Variants in ESR1 observed in about 807,000 individuals in gnomAD.
The protein encoded by ESR1 is estrogen receptor.
In ESR1, 12 loss-of-function variants were observed where a neutral mutation model predicts 52.7. The observed-to-expected ratio is 0.23, with a 90% confidence interval of 0.15 to 0.37. The LOEUF is 0.37. Ranked by LOEUF, ESR1 falls within the 10% of genes least tolerant of loss-of-function variation. The probability of loss-of-function intolerance (pLI) is 1.00; values close to 1 mark genes in which losing one functional copy is unlikely to be tolerated. For missense variants in ESR1, 584 were observed against 779.7 expected (o/e 0.75, Z 2.99); for synonymous variants, 305 against 316.8 (o/e 0.96, Z 0.39).
chr6:151,687,556 A>C (rs756518957), upstream of ESR1, among the ~76,000 whole-genome samples: 2 of 152,232 alleles, frequency 1.3e-5, no homozygotes, highest in South Asian at 2.1e-4. Context: ...AAAAACACAC[A>C]GTCCAAATAA....
intron 1 of ESR1, among the ~76,000 whole-genome samples, chr6:151,693,450 C>T (rs1582909816): frequency 6.6e-6 from 1 of 152,298 alleles, no homozygotes; most frequent in East Asian, 1.9e-4. Context: ...ATTCTTCCAT[C>T]ATTCCTCTCC....
intron 5 of ESR1, among the ~76,000 whole-genome samples, chr6:152,013,186 T>G (rs2042916744): frequency 6.6e-6 from 1 of 152,138 alleles, no homozygotes; most frequent in Non-Finnish European, 1.5e-5. Flanking sequence ...CATTCCTTGT[T>G]TCCTTTCCAT....
At chr6:152,019,805 T>A (rs1423654964) in intron 5 of ESR1, among the ~76,000 whole-genome samples, 1 of 152,232 alleles carries the variant, frequency 6.6e-6, no homozygotes, top group Non-Finnish European at 1.5e-5. Flanking sequence ...TCATTTGTTT[T>A]AATGGATGCC....
At chr6:151,938,799 C>T (rs9383598) in intron 3 of ESR1, among the ~76,000 whole-genome samples, 4,134 of 152,198 alleles carry the variant, frequency 0.027, 118 homozygotes, top group East Asian at 0.076. Context: ...CTTACAACAA[C>T]GTGACGAGGA....
chr6:152,012,637 T>C (rs929488383), intron 5 of ESR1, among the ~76,000 whole-genome samples: 6 of 152,220 alleles, frequency 3.9e-5, no homozygotes, highest in Non-Finnish European at 4.4e-5. Flanking sequence ...CGGTATGCTC[T>C]GTTACCTCCT....
At chr6:151,764,878 T>G (rs948060125) in intron 2 of ESR1, among the ~76,000 whole-genome samples, 8 of 152,304 alleles carry the variant, frequency 5.3e-5, no homozygotes, top group African/African-American at 1.7e-4. Flanking sequence ...ACTAAACAGC[T>G]AAACATATTT....
chr6:151,745,115 T>TA (rs1312557582), intron 2 of ESR1, among the ~76,000 whole-genome samples: 7 of 152,182 alleles, frequency 4.6e-5, no homozygotes, highest in South Asian at 2.1e-4. Context: ...CTTTCCTTAA[T>TA]AAAAAAACTT....
intron 1 of ESR1, among the ~76,000 whole-genome samples, chr6:151,669,640 T>C (rs1245486811): frequency 6.6e-6 from 1 of 152,112 alleles, no homozygotes; most frequent in Non-Finnish European, 1.5e-5. Flanking sequence ...TTAGTTTCTG[T>C]AAAATGGAGA....
chr6:151,907,417 T>C (rs1797626752), intron 3 of ESR1, among the ~76,000 whole-genome samples: 2 of 152,104 alleles, frequency 1.3e-5, no homozygotes, highest in Admixed American at 1.3e-4. Flanking sequence ...ATCTTACATA[T>C]TAAAATTTAC....
intron 1 of ESR1, among the ~76,000 whole-genome samples, chr6:151,697,196 C>A (rs146316074): frequency 6.6e-6 from 1 of 151,910 alleles, no homozygotes; most frequent in East Asian, 1.9e-4. Context: ...TACATCAATT[C>A]GGAGGTGAGG....
rs377054420 is a variant in ESR1, at chr6:151,880,173, T to C, written c.644-482T>C. Among the ~76,000 whole-genome samples the C allele has an allele frequency of 4.6e-3, 568 of 123,180 alleles. 4 individuals carry two copies. Among genetic ancestry groups the C allele is most frequent in the African/African-American group, 0.015 (524 of 34,500 alleles). 80.8% of individuals were successfully genotyped at this position (123,180 alleles called of 152,430 possible). On this transcript the variant is annotated intron_variant, in intron 2 of 7. Coordinates refer to ENST00000206249, the MANE Select transcript of ESR1 (RefSeq NM_000125.4). Reference sequence around the variant, plus strand: ...TAGAAATTAAGTCCACGGGAGGTTTTTTGTTCTGTTTTTTTTTTTTTTTTT... The same window carrying C: ...TAGAAATTAAGTCCACGGGAGGTTTCTTGTTCTGTTTTTTTTTTTTTTTTT...
chr6:151,810,658 C>A (rs1027579800), intron 1 of ESR1, among the ~76,000 whole-genome samples: 13 of 152,018 alleles, frequency 8.6e-5, no homozygotes, highest in South Asian at 8.3e-4. Context: ...TTTAAAAGGA[C>A]TAAAATGGAA....
chr6:151,957,493 T>G (rs934530363), intron 4 of ESR1, among the ~76,000 whole-genome samples: 11 of 151,636 alleles, frequency 7.3e-5, no homozygotes, highest in African/African-American at 2.7e-4. Flanking sequence ...TCAAACAATC[T>G]TATTACCACT....
intron 4 of ESR1, among the ~76,000 whole-genome samples, chr6:152,001,847 C>A (rs182206108): frequency 1.3e-5 from 2 of 151,926 alleles, no homozygotes; most frequent in Admixed American, 1.3e-4. Flanking sequence ...AGATAGGGAA[C>A]TATAGAAAGA....
At chr6:152,026,209 C>A (rs2044134545) in intron 5 of ESR1, among the ~76,000 whole-genome samples, 1 of 151,956 alleles carries the variant, frequency 6.6e-6, no homozygotes, top group African/African-American at 2.4e-5. Context: ...ATTAGCTATG[C>A]CCATGTCTAT....
At chr6:152,012,486 G>T (rs9340976) in intron 5 of ESR1, among the ~76,000 whole-genome samples, 2 of 151,794 alleles carry the variant, frequency 1.3e-5, no homozygotes, top group Admixed American at 1.3e-4. Flanking sequence ...AATCATCACC[G>T]GACTCCTAGG....
chr6:151,766,947 A>G (rs988482984), intron 2 of ESR1, among the ~76,000 whole-genome samples: 7 of 152,226 alleles, frequency 4.6e-5, no homozygotes, highest in Admixed American at 6.5e-5. Context: ...AGTTGAGCAA[A>G]TCTACTGAAA....
chr6:152,110,706 A>C (rs1003130926), intron 6 of ESR1, among the ~76,000 whole-genome samples: 1 of 152,242 alleles, frequency 6.6e-6, no homozygotes, highest in Non-Finnish European at 1.5e-5. Flanking sequence ...AATTGCATTT[A>C]AGCAAGCTTT....
intron 2 of ESR1, among the ~76,000 whole-genome samples, chr6:151,791,528 A>T (rs935721489): frequency 7.2e-5 from 11 of 152,290 alleles, no homozygotes; most frequent in African/African-American, 2.2e-4. Flanking sequence ...AGCAGTGTGA[A>T]AATGGACTAA....
Sources: allele counts gnomAD v4.1 joint callset (sites outside exome capture counted in the v4.1 genomes callset), GRCh38; gene constraint gnomAD v4.1.1; transcripts MANE v1.5; gene names NCBI Gene and HGNC (gene_info 2026-07-23, HGNC 2026-07-21).